Variants in SLC35E4 observed in about 807,000 individuals in gnomAD.
The protein encoded by SLC35E4 is solute carrier family 35, member E4.
Under a neutral mutation model 19.3 loss-of-function variants are expected in SLC35E4, and 15 were observed. The ratio of observed to expected loss-of-function variants is 0.78; its 90% CI spans 0.52 to 1.20. The LOEUF (loss-of-function observed/expected upper bound fraction) is 1.20. Among genes scored for constraint, SLC35E4 ranks in the 50% most tolerant of loss-of-function variants. The probability of loss-of-function intolerance (pLI) is 0.00; values close to 1 mark genes in which losing one functional copy is unlikely to be tolerated. For missense variants in SLC35E4, 406 were observed against 472.3 expected (o/e 0.86, Z 1.30); for synonymous variants, 219 against 219.9 (o/e 1.00, Z 0.04).
At chr22:30,646,504 T>A in intron 1 of SLC35E4, 94 bp from the exon 2 acceptor site, 1 of 1,416,086 alleles carries the variant, frequency 7.1e-7, no homozygotes. Flanking sequence ...GGGGTCCGGG[T>A]AGGCTTCTTG....
At chr22:30,660,115 T>C (rs1000148986) in intron 2 of SLC35E4, among the ~76,000 whole-genome samples, 3 of 152,222 alleles carry the variant, frequency 2.0e-5, no homozygotes, top group African/African-American at 7.2e-5. Context: ...ACATTTGGTT[T>C]TGGCCGTATG....
chr22:30,637,132 C>T, intron 1 of SLC35E4, 63 bp downstream of exon 1: 1 of 1,511,468 alleles, frequency 6.6e-7, no homozygotes. Context: ...CCTGGATGGC[C>T]CTGTGAGGGG....
At chr22:30,665,592 C>A, downstream of SLC35E4, 1 of 468,654 alleles carries the variant, frequency 2.1e-6, no homozygotes, top group South Asian at 1.6e-5. Flanking sequence ...CCTTAGATCA[C>A]ACCCCTCCCT....
At chr22:30,638,578 G>A (rs1418497428) in intron 1 of SLC35E4, among the ~76,000 whole-genome samples, 6 of 151,270 alleles carry the variant, frequency 4.0e-5, no homozygotes, top group Middle Eastern at 3.5e-3. Context: ...TTGGGAGGCC[G>A]AGGCAAGTGG....
downstream of SLC35E4, chr22:30,663,793 C>T: frequency 6.2e-7 from 1 of 1,614,222 alleles, no homozygotes; most frequent in South Asian, 1.1e-5. Context: ...GAGTCAGCCA[C>T]AGGTACCTGC....
rs2088150759 is a variant in SLC35E4, at chr22:30,647,271, G to A, written c.*240G>A. ...AAATTAGCTGGGCATGGTGGCGCGT[G>A]CCTATAGTCCCAGCTACATGGGAGG... On this transcript the variant is annotated 3_prime_UTR_variant, in exon 2 of 2. Transcript: ENST00000343605. 1.9e-6 allele frequency: 1 copy of A among 540,352 alleles called. No individual in the cohort carries two copies. Among genetic ancestry groups the A allele is most frequent in the Non-Finnish European group, 3.3e-6 (1 of 307,026 alleles). The allele number at this position is 540,352 out of a possible 1,614,324, so 33.5% of individuals were successfully genotyped here.
At chr22:30,667,517 C>T (rs183264948), downstream of SLC35E4, 25 of 152,404 alleles carry the variant, frequency 1.6e-4, no homozygotes, top group African/African-American at 6.0e-4. Context: ...CTTGGGGAAG[C>T]CTTAGGCAAG....
At chr22:30,637,691 G>C (rs946105667) in intron 1 of SLC35E4, among the ~76,000 whole-genome samples, 1 of 152,184 alleles carries the variant, frequency 6.6e-6, no homozygotes, top group Non-Finnish European at 1.5e-5. Flanking sequence ...GATAGCCAGT[G>C]ATCTGTGTTT....
At chr22:30,652,644 C>T (rs1052009343), downstream of SLC35E4, among the ~76,000 whole-genome samples, 3 of 152,232 alleles carry the variant, frequency 2.0e-5, no homozygotes, top group Non-Finnish European at 2.9e-5. Flanking sequence ...TTCAGATTTA[C>T]ATTCAAAATG....
intron 1 of SLC35E4, among the ~76,000 whole-genome samples, chr22:30,639,095 G>A (rs1289751240): frequency 6.6e-6 from 1 of 152,182 alleles, no homozygotes; most frequent in Non-Finnish European, 1.5e-5. Context: ...ATTTCACGTA[G>A]GTTCTTTTCT....
rs1206177299 is a variant in SLC35E4, at chr22:30,646,863, C to A, written c.885C>A (p.Asn295Lys). The A allele has an allele frequency of 1.2e-6, 2 of 1,614,154 alleles. No homozygotes were observed. The highest frequency in any genetic ancestry group is 1.6e-4 in the Middle Eastern group (1 of 6,084). The change falls in exon 2 of 2, where the codon AAC becomes AAA. Residue 295 changes from asparagine to lysine, a missense_variant. Physicochemically the swap from Asn to Lys is moderately conservative, Grantham distance 94. Transcript: ENST00000343605. ...TGGGCAACCTCACCGTGGTGGGCAA[C>A]CTCATCCTGTCCCGGCTGTTGTTTG... ...HVLGNLTVVGNLILSRLLFGS... is the reference protein window; with the variant it reads ...HVLGNLTVVGKLILSRLLFGS...
rs1238332520 is a variant in SLC35E4, at chr22:30,647,836, AC to A, written c.*809del. On this transcript the variant is annotated 3_prime_UTR_variant, in exon 2 of 2. Coordinates refer to ENST00000343605, the MANE Select transcript of SLC35E4 (RefSeq NM_001001479.4). Reference sequence around the variant, plus strand: ...AACTCCAGGCAGCTGCTGTGGCCTCACCCCTGGGCCCCCCAATTTTGGGTCA... The same window carrying A: ...AACTCCAGGCAGCTGCTGTGGCCTCACCCTGGGCCCCCCAATTTTGGGTCA... The A allele has an allele frequency of 6.6e-6, 1 of 152,056 alleles. No individual in the cohort carries two copies. The highest frequency in any genetic ancestry group is 1.9e-4 in the East Asian group (1 of 5,180). 9.4% of individuals were successfully genotyped at this position (152,056 alleles called of 1,614,324 possible).
At chr22:30,651,600 A>G (rs959881883), downstream of SLC35E4, among the ~76,000 whole-genome samples, 6 of 151,444 alleles carry the variant, frequency 4.0e-5, no homozygotes, top group Non-Finnish European at 8.8e-5. Flanking sequence ...TTTCTTGATA[A>G]GTAGACCTTC....
chr22:30,640,570 G>C (rs898025621), intron 1 of SLC35E4, among the ~76,000 whole-genome samples: 1 of 152,120 alleles, frequency 6.6e-6, no homozygotes, highest in East Asian at 1.9e-4. Context: ...GGCGAAGGCT[G>C]GCTTCCTGCC....
At chr22:30,643,538 A>G (rs931980963) in intron 1 of SLC35E4, among the ~76,000 whole-genome samples, 3 of 152,158 alleles carry the variant, frequency 2.0e-5, no homozygotes, top group Non-Finnish European at 4.4e-5. Flanking sequence ...GGAATGGGAA[A>G]CAGGCCGTGC....
chr22:30,651,034 C>T (rs1198510856), downstream of SLC35E4, among the ~76,000 whole-genome samples: 8 of 151,010 alleles, frequency 5.3e-5, no homozygotes, highest in Non-Finnish European at 1.2e-4. Flanking sequence ...TTGGCCTGGC[C>T]CCCTGGAAGG....
intron 1 of SLC35E4, among the ~76,000 whole-genome samples, chr22:30,641,672 A>T (rs1482294937): frequency 1.3e-5 from 2 of 148,390 alleles, no homozygotes; most frequent in African/African-American, 5.0e-5. Flanking sequence ...CAGCCTCCTG[A>T]GTAGCTGGGA....
At chr22:30,656,061 C>T (rs895774813) in intron 2 of SLC35E4, among the ~76,000 whole-genome samples, 5 of 151,958 alleles carry the variant, frequency 3.3e-5, no homozygotes, top group Non-Finnish European at 7.4e-5. Context: ...CAGCCTCAAC[C>T]TCCTTGGGCT....
At chr22:30,663,155 G>C in exon 3 of SLC35E4, 1 of 358,796 alleles carries the variant, frequency 2.8e-6, no homozygotes, top group Non-Finnish European at 5.1e-6. Context: ...ATGTGCAATG[G>C]GTGCTGCCCT....
Sources: allele counts gnomAD v4.1 joint callset (sites outside exome capture counted in the v4.1 genomes callset), GRCh38; gene constraint gnomAD v4.1.1; transcripts MANE v1.5; gene names NCBI Gene and HGNC (gene_info 2026-07-23, HGNC 2026-07-21).